The following CACNA1E variants were observed in gnomAD, a reference collection of about 807,000 sequenced individuals.
The protein encoded by CACNA1E is calcium voltage-gated channel subunit alpha1 E.
CACNA1E carries 40 observed loss-of-function variants against 259.2 expected under a neutral mutation model. The observed-to-expected ratio is 0.15, with a 90% CI of 0.12 to 0.20. The LOEUF (loss-of-function observed/expected upper bound fraction) is 0.20. Ranked by LOEUF, CACNA1E falls within the 10% of genes least tolerant of loss-of-function variation. The pLI is 1.00. For missense variants in CACNA1E, 1,874 were observed against 3,040.1 expected, an observed-to-expected ratio of 0.62 and a Z score of 9.02; for synonymous variants, 1,104 against 1,138.5, an observed-to-expected ratio of 0.97 and a Z score of 0.61.
At chr1:181,399,491 G>A (rs1212960261) in intron 1 of CACNA1E, among the ~76,000 whole-genome samples, 1 of 152,196 alleles carries the variant, frequency 6.6e-6, no homozygotes, top group Non-Finnish European at 1.5e-5. Context: ...CTCAGAGTAA[G>A]AAAGATCATC....
chr1:181,345,335 G>A (rs947655827), intron 1 of CACNA1E, among the ~76,000 whole-genome samples: 24 of 152,276 alleles, frequency 1.6e-4, no homozygotes, highest in Non-Finnish European at 2.5e-4. Context: ...CACAGTCAGT[G>A]TGAATTTGAG....
chr1:181,620,191 G>A (rs749057833), intron 6 of CACNA1E, among the ~76,000 whole-genome samples: 2 of 152,144 alleles, frequency 1.3e-5, no homozygotes, highest in African/African-American at 2.4e-5. Flanking sequence ...GCCATGTAGA[G>A]CAAGTATGTG....
At position 181,750,480 on chromosome 1, in the gene CACNA1E, G is replaced by A. The variant is rs767788342; in HGVS notation, c.3724G>A (p.Ala1242Thr). 28 of 1,613,094 alleles carry A rather than the reference G, an allele frequency of 1.7e-5. No homozygotes were observed. The highest frequency in any genetic ancestry group is 1.7e-4 in the Middle Eastern group (1 of 6,060). The change falls in exon 26 of 48, where the codon GCT (alanine) becomes ACT (threonine). Residue 1242 changes from alanine (A) to threonine (T), a missense_variant. Physicochemically the swap from Ala to Thr is moderately conservative, Grantham distance 58. This residue lies in a region of CACNA1E where 188 missense variants were observed against 540.6 expected (regional missense o/e 0.35). Coordinates refer to ENST00000367573, the MANE Select transcript of CACNA1E (RefSeq NM_001205293.3). ...CTCTGATTGGATCCTCCATAGGAAC[G>A]CTTTGGGGTAAATATGTTCGATTAT... ...GALVAFALANALGTNKGRDIK... is the reference protein window; with the variant it reads ...GALVAFALANTLGTNKGRDIK...
chr1:181,446,827 T>C (rs977527397), intron 2 of CACNA1E, among the ~76,000 whole-genome samples: 2 of 152,190 alleles, frequency 1.3e-5, no homozygotes, highest in Non-Finnish European at 2.9e-5. Context: ...TGGCACCTAC[T>C]AGATCACTGT....
chr1:181,551,914 A>AT (rs1364798587), intron 3 of CACNA1E, among the ~76,000 whole-genome samples: 1 of 150,008 alleles, frequency 6.7e-6, no homozygotes, highest in Non-Finnish European at 1.5e-5. Context: ...GCATCCTTTC[A>AT]TTTTTTTGGC....
intron 12 of CACNA1E, among the ~76,000 whole-genome samples, chr1:181,718,989 G>A (rs1229977359): frequency 6.6e-6 from 1 of 152,178 alleles, no homozygotes; most frequent in Non-Finnish European, 1.5e-5. Context: ...CAAAGCTTCA[G>A]TTAGGTGCTA....
At chr1:181,578,274 T>C (rs1177768313) in intron 4 of CACNA1E, among the ~76,000 whole-genome samples, 1 of 152,210 alleles carries the variant, frequency 6.6e-6, no homozygotes, top group Non-Finnish European at 1.5e-5. Context: ...AATTCTTGGC[T>C]GAGTGCAGTG....
intron 6 of CACNA1E, among the ~76,000 whole-genome samples, chr1:181,581,738 T>C (rs1410183084): frequency 6.6e-6 from 1 of 152,206 alleles, no homozygotes; most frequent in African/African-American, 2.4e-5. Context: ...GTAAAGCAGT[T>C]TGGGCAGGTG....
chr1:181,751,564 C>T (rs1479744596), intron 26 of CACNA1E, among the ~76,000 whole-genome samples: 1 of 152,208 alleles, frequency 6.6e-6, no homozygotes, highest in African/African-American at 2.4e-5. Flanking sequence ...GTCTGCCACC[C>T]TGCCTCACCT....
At chr1:181,326,124 T>A (rs1038861214) in intron 1 of CACNA1E, among the ~76,000 whole-genome samples, 10 of 152,214 alleles carry the variant, frequency 6.6e-5, no homozygotes, top group African/African-American at 2.4e-4. Context: ...TTTCATATGC[T>A]AAGTCGTTTA....
At chr1:181,336,575 A>G (rs1651727185) in intron 1 of CACNA1E, among the ~76,000 whole-genome samples, 1 of 152,230 alleles carries the variant, frequency 6.6e-6, no homozygotes, top group South Asian at 2.1e-4. Context: ...AATATATATG[A>G]CATAAAATTT....
At chr1:181,554,585 G>A (rs1648528685) in intron 3 of CACNA1E, among the ~76,000 whole-genome samples, 1 of 152,202 alleles carries the variant, frequency 6.6e-6, no homozygotes, top group African/African-American at 2.4e-5. Context: ...AATGCCAATA[G>A]TGATACTAAT....
At chr1:181,372,667 T>C (rs940114893) in intron 1 of CACNA1E, among the ~76,000 whole-genome samples, 1 of 152,148 alleles carries the variant, frequency 6.6e-6, no homozygotes. Flanking sequence ...GGCATCGTTA[T>C]CTTGTTCCAA....
intron 29 of CACNA1E, among the ~76,000 whole-genome samples, chr1:181,756,601 C>T (rs1313101636): frequency 1.3e-5 from 2 of 152,168 alleles, no homozygotes; most frequent in Non-Finnish European, 2.9e-5. Flanking sequence ...ACTAAGACAC[C>T]ACTCTCTAGT....
chr1:181,777,615 G>A (rs191850154), intron 38 of CACNA1E, among the ~76,000 whole-genome samples: 51 of 152,324 alleles, frequency 3.3e-4, no homozygotes, highest in African/African-American at 1.1e-3. Flanking sequence ...CCAGGCCTGC[G>A]TGTCTTCAGC....
At chr1:181,733,837 AC>A in intron 21 of CACNA1E, 87 bp downstream of exon 21, 1 of 1,002,496 alleles carries the variant, frequency 1.0e-6, no homozygotes, top group Non-Finnish European at 1.4e-6. Flanking sequence ...CATGGAAAGC[AC>A]CACCAGGAGG....
At chr1:181,359,690 C>T (rs566795971) in intron 1 of CACNA1E, among the ~76,000 whole-genome samples, 3 of 152,202 alleles carry the variant, frequency 2.0e-5, no homozygotes, top group Non-Finnish European at 4.4e-5. Flanking sequence ...CCCGAGCTTC[C>T]CTGGTCTTTT....
At chr1:181,783,627 CTT>C (rs1660607557) in intron 39 of CACNA1E, 50 bp from the exon 40 acceptor site, 1 of 1,003,872 alleles carries the variant, frequency 1.0e-6, no homozygotes, top group Admixed American at 2.0e-5. Flanking sequence ...ACTGAGATGT[CTT>C]TCAATTTTTT....
chr1:181,660,569 A>T (rs1371682365), intron 7 of CACNA1E, among the ~76,000 whole-genome samples: 1 of 152,178 alleles, frequency 6.6e-6, no homozygotes, highest in Non-Finnish European at 1.5e-5. Flanking sequence ...CATATTAACA[A>T]CTATAACTTC....
Sources: gnomAD v4.1 joint callset for allele counts (sites outside exome capture counted in the v4.1 genomes callset) on GRCh38, gnomAD v4.1.1 for gene constraint, gnomAD v4.1.1 regional missense constraint, MANE v1.5 for transcripts, NCBI Gene and HGNC (gene_info 2026-07-23, HGNC 2026-07-21) for gene names.